NKAIN3: variants seen among roughly 807,000 people sequenced by gnomAD.
NKAIN3 encodes the protein sodium/potassium-transporting ATPase subunit beta-1-interacting protein 3.
Under a neutral mutation model 30.2 loss-of-function variants are expected in NKAIN3, and 25 were observed. The observed-to-expected ratio is 0.83, with a 90% CI of 0.60 to 1.16. The LOEUF is 1.16. Among genes scored for constraint, NKAIN3 ranks in the 50% most tolerant of loss-of-function variants. NKAIN3 has a pLI of 0.00. For missense variants in NKAIN3, 225 were observed against 254.1 expected, an observed-to-expected ratio of 0.89 and a Z score of 0.78; for synonymous variants, 91 against 89.6, an observed-to-expected ratio of 1.02 and a Z score of -0.09.
intron 3 of NKAIN3, among the ~76,000 whole-genome samples, chr8:62,685,790 T>C (rs901235895): frequency 6.6e-6 from 1 of 152,212 alleles, no homozygotes; most frequent in East Asian, 1.9e-4. Flanking sequence ...TCATTCTGAC[T>C]GCGCAACTAT....
intron 3 of NKAIN3, among the ~76,000 whole-genome samples, chr8:62,648,934 G>A (rs1303723902): frequency 1.3e-5 from 2 of 152,072 alleles, no homozygotes; most frequent in East Asian, 1.9e-4. Flanking sequence ...AATGGCATCC[G>A]GAGCTGGAAT....
chr8:62,347,484 G>A (rs556656723), intron 1 of NKAIN3, among the ~76,000 whole-genome samples: 10 of 152,142 alleles, frequency 6.6e-5, no homozygotes, highest in East Asian at 1.9e-4. Flanking sequence ...TTTCAAAGGC[G>A]TATCTTGACT....
intron 1 of NKAIN3, chr8:62,483,459 G>T (rs766728131): frequency 3.0e-5 from 5 of 168,560 alleles, no homozygotes; most frequent in Non-Finnish European, 5.2e-5. Flanking sequence ...GTGTCAGGCT[G>T]AGCAGATGCT....
At chr8:62,884,911 T>A (rs574684411) in intron 4 of NKAIN3, among the ~76,000 whole-genome samples, 1 of 152,282 alleles carries the variant, frequency 6.6e-6, no homozygotes, top group African/African-American at 2.4e-5. Context: ...TGATTTTTTT[T>A]ATTTCTATTC....
At chr8:62,549,789 A>G (rs528746112) in intron 1 of NKAIN3, among the ~76,000 whole-genome samples, 22 of 151,630 alleles carry the variant, frequency 1.5e-4, no homozygotes, top group African/African-American at 4.6e-4. Context: ...TTTTATTCCA[A>G]ACTTACTAAG....
At position 62,846,554 on chromosome 8, in the gene NKAIN3, C is replaced by G. The variant is rs1412863987; in HGVS notation, c.472-71899C>G. 2.6e-5 allele frequency among the ~76,000 whole-genome samples: 4 copies of G among 152,190 alleles called. No homozygotes were observed. In the East Asian group the frequency reaches 7.7e-4, roughly 29 times the overall value. ...GACCATGTGTTCTCATCATTCAGCT[C>G]CCACTTATAAGTCAGAACATGTGGT... On this transcript the variant is annotated intron_variant, in intron 4 of 6. Transcript: ENST00000623646.
intron 1 of NKAIN3, among the ~76,000 whole-genome samples, chr8:62,372,389 C>T (rs887547094): frequency 1.3e-5 from 2 of 151,790 alleles, no homozygotes; most frequent in African/African-American, 4.8e-5. Flanking sequence ...AAAGTTAAGT[C>T]ATTATTTTCT....
At chr8:62,860,977 G>A (rs148576599) in intron 4 of NKAIN3, among the ~76,000 whole-genome samples, 31 of 152,286 alleles carry the variant, frequency 2.0e-4, no homozygotes, top group African/African-American at 7.2e-4. Context: ...GCTTACTCAA[G>A]GCCTAAGACA....
chr8:62,856,821 A>G (rs1820073662), intron 4 of NKAIN3: 2 of 615,314 alleles, frequency 3.3e-6, no homozygotes, highest in African/African-American at 1.9e-5. Flanking sequence ...TCTCTGCACT[A>G]TAGAGCATCA....
At chr8:62,539,679 G>T (rs992712137) in intron 1 of NKAIN3, among the ~76,000 whole-genome samples, 1 of 151,992 alleles carries the variant, frequency 6.6e-6, no homozygotes, top group Non-Finnish European at 1.5e-5. Flanking sequence ...ATCCTCGATC[G>T]CGTGAGCTCA....
At chr8:62,462,265 G>A (rs1806022482) in intron 1 of NKAIN3, among the ~76,000 whole-genome samples, 1 of 152,130 alleles carries the variant, frequency 6.6e-6, no homozygotes, top group Non-Finnish European at 1.5e-5. Context: ...CACCAACTCA[G>A]AATTGGAGGG....
At chr8:62,596,890 G>A (rs1810852181) in intron 3 of NKAIN3, among the ~76,000 whole-genome samples, 1 of 152,064 alleles carries the variant, frequency 6.6e-6, no homozygotes, top group Non-Finnish European at 1.5e-5. Flanking sequence ...AGTTGCACAA[G>A]TGCACAGTTA....
intron 4 of NKAIN3, among the ~76,000 whole-genome samples, chr8:62,809,544 AG>A (rs1470686054): frequency 6.6e-6 from 1 of 152,194 alleles, no homozygotes; most frequent in Non-Finnish European, 1.5e-5. Flanking sequence ...AATTCCCAAA[AG>A]CATGTGTGTA....
At chr8:62,860,787 T>G (rs927265733) in intron 4 of NKAIN3, among the ~76,000 whole-genome samples, 2 of 152,232 alleles carry the variant, frequency 1.3e-5, no homozygotes, top group African/African-American at 4.8e-5. Flanking sequence ...CCTGACAACT[T>G]GTGTTCTTGC....
In NKAIN3 at chr8:62,940,581, A is replaced by G. The variant is rs1350320180; in HGVS notation, c.533-13321A>G. 3.9e-5 allele frequency among the ~76,000 whole-genome samples: 6 copies of G among 152,174 alleles called. No individual in the cohort carries two copies. The East Asian group carries it at 1.2e-3, about 29-fold the overall frequency. On this transcript the variant is annotated intron_variant, in intron 5 of 6. Transcript: ENST00000623646. ...TATATCAAGTACTCTCTCAGACCAC[A>G]GAGGAATAAAACTGGATATCAATTG...
intron 1 of NKAIN3, among the ~76,000 whole-genome samples, chr8:62,569,528 C>A (rs1809860501): frequency 6.6e-6 from 1 of 152,114 alleles, no homozygotes; most frequent in African/African-American, 2.4e-5. Flanking sequence ...GTAATCCCAG[C>A]ACTTTGGGAG....
chr8:62,797,567 A>T (rs200745517), intron 4 of NKAIN3, among the ~76,000 whole-genome samples: 1 of 152,142 alleles, frequency 6.6e-6, no homozygotes, highest in East Asian at 1.9e-4. Context: ...ATTTTTTCTC[A>T]TGTCTGGCAG....
At chr8:62,988,512 C>T (rs150279989), downstream of NKAIN3, among the ~76,000 whole-genome samples, 9 of 152,244 alleles carry the variant, frequency 5.9e-5, no homozygotes, top group Non-Finnish European at 1.3e-4. Flanking sequence ...AGCTCAACAC[C>T]ACATGGAAGC....
Position 62,640,969 on chromosome 8 carries a change from G to A in NKAIN3, c.273+51175G>A, listed in dbSNP as rs546749278. On this transcript the variant is annotated intron_variant, in intron 3 of 6. Transcript: ENST00000623646. ...AACCCTCAGCATTATGGTAGTAAAA[G>A]TCAGACACTGTGCCTGAGAAATAGA... 2.6e-3 allele frequency among the ~76,000 whole-genome samples: 395 copies of A among 151,678 alleles called. 3 individuals are homozygous for A. Among genetic ancestry groups the A allele is most frequent in the African/African-American group, 8.7e-3 (359 of 41,364 alleles).
Sources: allele counts gnomAD v4.1 joint callset (sites outside exome capture counted in the v4.1 genomes callset), GRCh38; gene constraint gnomAD v4.1.1; transcripts MANE v1.5; gene names NCBI Gene and HGNC (gene_info 2026-07-23, HGNC 2026-07-21).